Variants in KCNK13 observed in about 807,000 individuals in gnomAD.
KCNK13 encodes the protein potassium two pore domain channel subfamily K member 13.
A neutral mutation model predicts 23.4 loss-of-function variants in KCNK13; 12 were observed. The observed-to-expected ratio is 0.51, with a 90% confidence interval of 0.33 to 0.83. The LOEUF is 0.83. Among genes scored for constraint, KCNK13 ranks in the 40% least tolerant of loss-of-function variants. KCNK13 has a pLI of 0.02. For synonymous variants in KCNK13, 231 were observed against 229.5 expected (o/e 1.01, Z -0.06); for missense variants, 463 against 556.3 (o/e 0.83, Z 1.69).
At chr14:90,109,653 G>A (rs1223189990) in intron 1 of KCNK13, among the ~76,000 whole-genome samples, 7 of 151,108 alleles carry the variant, frequency 4.6e-5, no homozygotes, top group Admixed American at 2.6e-4. Flanking sequence ...CTCGTGATCC[G>A]CCCACCTCAG....
intron 1 of KCNK13, among the ~76,000 whole-genome samples, chr14:90,128,230 G>C (rs1383542377): frequency 1.3e-5 from 2 of 152,164 alleles, no homozygotes; most frequent in Non-Finnish European, 2.9e-5. Context: ...CAGTTGAAAT[G>C]TATTCTTTCA....
intron 1 of KCNK13, among the ~76,000 whole-genome samples, chr14:90,142,263 A>G (rs1724482703): frequency 6.8e-6 from 1 of 146,242 alleles, no homozygotes; most frequent in South Asian, 2.2e-4. Flanking sequence ...AGATTTATTT[A>G]TATTGTTACA....
chr14:90,063,616 G>T (rs1296611474), intron 1 of KCNK13, among the ~76,000 whole-genome samples: 1 of 152,174 alleles, frequency 6.6e-6, no homozygotes, highest in Non-Finnish European at 1.5e-5. Context: ...ACAGCCCAGG[G>T]TGCATGTGCT....
chr14:90,167,409 G>A (rs373319427), intron 1 of KCNK13, among the ~76,000 whole-genome samples: 1 of 152,178 alleles, frequency 6.6e-6, no homozygotes, highest in African/African-American at 2.4e-5. Context: ...TTAATTGCCA[G>A]TCCTCCTTTG....
intron 1 of KCNK13, among the ~76,000 whole-genome samples, chr14:90,085,806 A>T (rs7140623): frequency 1.1e-5 from 1 of 87,406 alleles, no homozygotes; most frequent in Non-Finnish European, 2.1e-5. Context: ...TATATTATAT[A>T]TTATATTATA....
chr14:90,095,817 C>T (rs984830896), intron 1 of KCNK13, among the ~76,000 whole-genome samples: 5 of 152,140 alleles, frequency 3.3e-5, no homozygotes, highest in African/African-American at 1.2e-4. Flanking sequence ...AGGTCGAGGG[C>T]TCAGTCCCTA....
intron 1 of KCNK13, among the ~76,000 whole-genome samples, chr14:90,172,772 A>G (rs141118058): frequency 1.2e-3 from 179 of 152,332 alleles, no homozygotes; most frequent in African/African-American, 3.9e-3. Flanking sequence ...AATCCATTCT[A>G]AAGAGGTTAC....
intron 1 of KCNK13, among the ~76,000 whole-genome samples, chr14:90,080,590 A>G (rs1213600983): frequency 6.6e-6 from 1 of 152,224 alleles, no homozygotes; most frequent in Non-Finnish European, 1.5e-5. Context: ...GGGATCAGGA[A>G]TAACAGGTTT....
At chr14:90,174,810 C>A (rs1036473283) in intron 1 of KCNK13, among the ~76,000 whole-genome samples, 3 of 151,950 alleles carry the variant, frequency 2.0e-5, no homozygotes, top group Non-Finnish European at 4.4e-5. Flanking sequence ...GCCGTGATCA[C>A]ACCATTGCAC....
intron 1 of KCNK13, among the ~76,000 whole-genome samples, chr14:90,111,921 A>G (rs369243143): frequency 5.3e-5 from 8 of 152,272 alleles, no homozygotes; most frequent in African/African-American, 1.7e-4. Flanking sequence ...GCCACACTCC[A>G]GGCTCTTAAG....
chr14:90,157,702 C>CTT (rs34114368), intron 1 of KCNK13, among the ~76,000 whole-genome samples: 4,120 of 100,232 alleles, frequency 0.041, 271 homozygotes, highest in African/African-American at 0.11. Flanking sequence ...CTTGGCTTTC[C>CTT]TTTTTTTTTT....
intron 1 of KCNK13, among the ~76,000 whole-genome samples, chr14:90,109,649 ATCC>A (rs1889590644): frequency 6.6e-6 from 1 of 151,514 alleles, no homozygotes; most frequent in African/African-American, 2.4e-5. Flanking sequence ...TGACCTCGTG[ATCC>A]GCCCACCTCA....
intron 1 of KCNK13, among the ~76,000 whole-genome samples, chr14:90,133,220 G>C (rs75485149): frequency 6.6e-6 from 1 of 152,108 alleles, no homozygotes; most frequent in Admixed American, 6.5e-5. Context: ...GTCTCATTTT[G>C]TACGTGACAA....
chr14:90,141,448 T>A (rs1315639245), intron 1 of KCNK13, among the ~76,000 whole-genome samples: 2 of 150,896 alleles, frequency 1.3e-5, no homozygotes, highest in Non-Finnish European at 3.0e-5. Flanking sequence ...CCTCTTGGGT[T>A]TTTTTGTTTT....
At chr14:90,164,912 T>C (rs1890286538) in intron 1 of KCNK13, among the ~76,000 whole-genome samples, 1 of 152,200 alleles carries the variant, frequency 6.6e-6, no homozygotes, top group African/African-American at 2.4e-5. Flanking sequence ...TCTCACTGTA[T>C]TTGTTCATTT....
intron 1 of KCNK13, among the ~76,000 whole-genome samples, chr14:90,175,972 A>G (rs1260814015): frequency 6.6e-6 from 1 of 152,188 alleles, no homozygotes; most frequent in East Asian, 1.9e-4. Context: ...AGCTTCTGAC[A>G]GCCTAAGCCT....
chr14:90,083,218 A>T (rs1433319352), intron 1 of KCNK13, among the ~76,000 whole-genome samples: 1 of 152,142 alleles, frequency 6.6e-6, no homozygotes, highest in Non-Finnish European at 1.5e-5. Context: ...GTGTCTTTTC[A>T]CTATCTTCTT....
chr14:90,184,685 G>C lies in KCNK13; in HGVS notation c.909G>C (p.Gln303His), dbSNP rs747688831. Residue 303 changes from glutamine to histidine, a missense_variant, in exon 2 of 2, where the codon CAG becomes CAC. This residue lies in a region of KCNK13 where 166 missense variants were observed against 178.8 expected (regional missense o/e 0.93). Transcript: ENST00000282146. The surrounding 1 kb of genome is among the most constrained non-coding windows in gnomAD (Gnocchi z 5.6). ...ACAGCGGGTGCTGCCCGCAATGCCA[G>C]AGAGGACTCTTGCGATCACGCAGGA... is the stretch of plus-strand genomic sequence containing the variant. ...KMDSGCCPQC[Q>H]RGLLRSRRNV... 4 of 1,614,256 alleles carry C rather than the reference G, an allele frequency of 2.5e-6. No homozygotes were observed. The South Asian group carries it at 3.3e-5, about 13-fold the overall frequency.
At chr14:90,167,091 G>A (rs933913961) in intron 1 of KCNK13, among the ~76,000 whole-genome samples, 6 of 152,150 alleles carry the variant, frequency 3.9e-5, no homozygotes, top group Non-Finnish European at 5.9e-5. Context: ...AAAGGGGGAT[G>A]AAGGGTTCCC....
Sources: allele counts gnomAD v4.1 joint callset (sites outside exome capture counted in the v4.1 genomes callset), GRCh38; gene constraint gnomAD v4.1.1; regional missense constraint gnomAD v4.1.1; non-coding constraint Gnocchi (gnomAD v3.1); transcripts MANE v1.5; gene names NCBI Gene and HGNC (gene_info 2026-07-23, HGNC 2026-07-21).